The following ZNF658 variants were observed in gnomAD, a reference collection of about 807,000 sequenced individuals.
ZNF658 encodes zinc finger protein 658.
In ZNF658, 46 loss-of-function variants were observed where a neutral mutation model predicts 78.0. The observed-to-expected ratio is 0.59, with a 90% CI of 0.47 to 0.75. The LOEUF (loss-of-function observed/expected upper bound fraction) is 0.75. Among genes scored for constraint, ZNF658 ranks in the 30% least tolerant of loss-of-function variants. The pLI, the probability that ZNF658 is intolerant of heterozygous loss-of-function variation, is 0.00. For missense variants in ZNF658, 785 were observed against 1,189.3 expected, an observed-to-expected ratio of 0.66 and a Z score of 5.00; for synonymous variants, 279 against 408.4, an observed-to-expected ratio of 0.68 and a Z score of 3.82.
rs113069205 is a variant in ZNF658 at position 66,918,394 on chromosome 9, G to A, written c.828G>A (p.Gly276=). The stretch of plus-strand genomic sequence containing the variant: ...AATGCTCTGATCTTAATGAATATGG[G>A]ACATCCTGTGACAAAACCACCGCTG... The part of the protein sequence containing the change: ...RGKCSDLNEY[G]TSCDKTTAVE... Residue 276 remains glycine (G), a synonymous_variant, in exon 5 of 5, where the codon GGG becomes GGA. Transcript: ENST00000621410. 977 of 1,613,626 alleles carry A rather than the reference G, an allele frequency of 6.1e-4. 6 individuals carry two copies. In the African/African-American group the frequency reaches 0.01, roughly 17 times the overall value.
intron 4 of ZNF658, among the ~76,000 whole-genome samples, chr9:66,909,561 T>C (rs1484595600): frequency 6.6e-6 from 1 of 151,658 alleles, no homozygotes; most frequent in African/African-American, 2.4e-5. Flanking sequence ...CAATTGGTTT[T>C]ATTTCTCTTG....
chr9:66,930,277 TAC>T (rs1470291104), intron 6 of ZNF658, among the ~76,000 whole-genome samples: 2 of 139,772 alleles, frequency 1.4e-5, no homozygotes, highest in African/African-American at 5.2e-5. Context: ...CCTCAAATTT[TAC>T]AGAGATCTCT....
chr9:66,904,370 T>G (rs953705688), intron 2 of ZNF658, among the ~76,000 whole-genome samples: 4 of 151,640 alleles, frequency 2.6e-5, no homozygotes, highest in Non-Finnish European at 5.9e-5. Flanking sequence ...TTAGTGATAC[T>G]TGCCCCTCAC....
intron 2 of ZNF658, among the ~76,000 whole-genome samples, chr9:66,905,689 G>A (rs1435554771): frequency 7.5e-6 from 1 of 134,104 alleles, no homozygotes; most frequent in Non-Finnish European, 1.6e-5. Context: ...ATTTGTTTTA[G>A]TTTTGTACTT....
At chr9:66,907,323 C>T (rs1318123624) in intron 2 of ZNF658, among the ~76,000 whole-genome samples, 2 of 151,964 alleles carry the variant, frequency 1.3e-5, no homozygotes, top group South Asian at 2.1e-4. Flanking sequence ...AGAACTCTCA[C>T]TGAATCTTCT....
intron 4 of ZNF658, among the ~76,000 whole-genome samples, chr9:66,909,886 C>T (rs573798446): frequency 6.6e-6 from 1 of 152,270 alleles, no homozygotes; most frequent in South Asian, 2.1e-4. Context: ...ATTCTGGAGG[C>T]TGGGAGTCTA....
At chr9:66,925,433 A>C (rs1822576342), downstream of ZNF658, among the ~76,000 whole-genome samples, 1 of 152,128 alleles carries the variant, frequency 6.6e-6, no homozygotes, top group African/African-American at 2.4e-5. Context: ...CAGAAATCCA[A>C]AGATCATAAG....
chr9:66,914,088 G>C (rs897248623), intron 4 of ZNF658, among the ~76,000 whole-genome samples: 3 of 151,406 alleles, frequency 2.0e-5, no homozygotes, highest in African/African-American at 7.4e-5. Flanking sequence ...ATTTAAACTG[G>C]AGTGGCATTG....
In ZNF658 at chr9:66,905,693, T is replaced by C. The variant is rs546971712; in HGVS notation, c.15+2117T>C. On this transcript the variant is annotated intron_variant, in intron 2 of 4. Coordinates refer to ENST00000621410, the MANE Select transcript of ZNF658 (RefSeq NM_033160.7). ...TTTGGTAAAATATTTGTTTTAGTTT[T>C]GTACTTTCCAACTTTAAAGTTTCTA... Among the ~76,000 whole-genome samples the C allele has an allele frequency of 1.8e-3, 252 of 136,322 alleles. 1 individual carries two copies. Among genetic ancestry groups the C allele is most frequent in the Non-Finnish European group, 3.1e-3 (200 of 64,502 alleles). The allele number at this position is 136,322 out of a possible 152,430, so 89.4% of individuals were successfully genotyped here. A position where few individuals can be genotyped will look rare whatever the true frequency, so the allele number is the denominator to read the frequency against.
intron 1 of ZNF658, among the ~76,000 whole-genome samples, chr9:66,902,161 T>C (rs1426684579): frequency 6.7e-6 from 1 of 149,328 alleles, no homozygotes; most frequent in East Asian, 2.0e-4. Flanking sequence ...TTTAGGGTAT[T>C]AGGTGAAGGT....
Position 66,918,149 on chromosome 9 carries a change from G to A in ZNF658, c.583G>A (p.Ala195Thr). The change falls in exon 5 of 5, where the codon GCT (alanine) becomes ACT (threonine). Residue 195 changes from alanine (A) to threonine (T), a missense_variant. This residue lies in a region of ZNF658 where 393 missense variants were observed against 400.2 expected (regional missense o/e 0.98). Coordinates refer to ENST00000621410, the MANE Select transcript of ZNF658 (RefSeq NM_033160.7). Reference protein sequence around the residue: ...EEKSYEHGENAKAFSYKKDQH... With the variant: ...EEKSYEHGENTKAFSYKKDQH... ...GAAATCTTATGAACATGGTGAAAAT[G>A]CTAAAGCTTTCAGTTATAAGAAAGA... is the stretch of plus-strand genomic sequence containing the variant. 4 of 1,597,958 alleles carry A rather than the reference G, an allele frequency of 2.5e-6. No individual in the cohort carries two copies. Among genetic ancestry groups the A allele is most frequent in the South Asian group, 1.1e-5 (1 of 87,282 alleles).
chr9:66,920,937 C>T lies in ZNF658; in HGVS notation c.*191C>T, dbSNP rs370164324. The T allele has an allele frequency of 2.7e-4, 185 of 692,910 alleles. No homozygotes were observed. In the African/African-American group the frequency reaches 3.2e-3, roughly 12 times the overall value. The allele number at this position is 692,910 out of a possible 1,614,324, so 42.9% of individuals were successfully genotyped here. On this transcript the variant is annotated 3_prime_UTR_variant, in exon 5 of 5. Transcript: ENST00000621410. ...TGATAAATATTACATTTACCCTTGG[C>T]CCTTAAAAAAAAAAAAGAAAAACCC... is the stretch of plus-strand genomic sequence containing the variant.
intron 4 of ZNF658, among the ~76,000 whole-genome samples, chr9:66,913,506 C>G (rs1822263783): frequency 6.6e-6 from 1 of 152,076 alleles, no homozygotes; most frequent in South Asian, 2.1e-4. Flanking sequence ...ACTTCCTTCC[C>G]CACGTAGCAG....
chr9:66,931,429 A>G (rs2482766), intron 6 of ZNF658, among the ~76,000 whole-genome samples: 1 of 152,102 alleles, frequency 6.6e-6, no homozygotes, highest in East Asian at 1.9e-4. Flanking sequence ...GTGTTAGAAA[A>G]CATGCTTAGC....
intron 1 of ZNF658, 32 bp downstream of exon 1, chr9:66,900,868 C>T (rs563937093): frequency 1.6e-4 from 24 of 152,268 alleles, no homozygotes; most frequent in African/African-American, 5.3e-4. Flanking sequence ...CTCCGCGCGG[C>T]CCAGGAACCT....
intron 4 of ZNF658, among the ~76,000 whole-genome samples, chr9:66,913,188 G>A (rs534207900): frequency 6.6e-6 from 1 of 151,230 alleles, no homozygotes; most frequent in East Asian, 2.0e-4. Context: ...ATTTTGGGAG[G>A]CCGAGGCGGG....
At chr9:66,915,053 GCACA>G (rs10608839) in intron 4 of ZNF658, among the ~76,000 whole-genome samples, 6,763 of 143,982 alleles carry the variant, frequency 0.047, 235 homozygotes, top group African/African-American at 0.078. Flanking sequence ...CTTTGGAATT[GCACA>G]CACACACACA....
chr9:66,914,718 A>T (rs1046107105), intron 4 of ZNF658, among the ~76,000 whole-genome samples: 23 of 152,168 alleles, frequency 1.5e-4, no homozygotes, highest in African/African-American at 5.3e-4. Context: ...CAGCATAAAA[A>T]CTATAGTTTT....
chr9:66,910,424 G>A (rs1822187084), intron 4 of ZNF658, among the ~76,000 whole-genome samples: 2 of 151,738 alleles, frequency 1.3e-5, no homozygotes, highest in Non-Finnish European at 1.5e-5. Flanking sequence ...CAAGTATGTT[G>A]CTGAGTCACT....
Sources: gnomAD v4.1 joint callset for allele counts (sites outside exome capture counted in the v4.1 genomes callset) on GRCh38, gnomAD v4.1.1 for gene constraint, gnomAD v4.1.1 regional missense constraint, MANE v1.5 for transcripts, NCBI Gene and HGNC (gene_info 2026-07-23, HGNC 2026-07-21) for gene names.